RALGAPA1: variants seen among roughly 807,000 people sequenced by gnomAD.
The protein encoded by RALGAPA1 is ral GTPase-activating protein subunit alpha-1.
A neutral mutation model predicts 269.6 loss-of-function variants in RALGAPA1; 52 were observed. The observed-to-expected ratio is 0.19, with a 90% CI of 0.15 to 0.24. The LOEUF (loss-of-function observed/expected upper bound fraction) is 0.24, where lower values mean the gene tolerates loss of function less well. RALGAPA1 is among the 10% of genes least tolerant of loss of function. The pLI, the probability that RALGAPA1 is intolerant of heterozygous loss-of-function variation, is 1.00. For synonymous variants in RALGAPA1, 817 were observed against 1,008.3 expected, an observed-to-expected ratio of 0.81 and a Z score of 3.60; for missense variants, 1,917 against 3,013.9, an observed-to-expected ratio of 0.64 and a Z score of 8.52.
intron 17 of RALGAPA1, among the ~76,000 whole-genome samples, chr14:35,699,361 G>T (rs1214993408): frequency 6.6e-6 from 1 of 152,124 alleles, no homozygotes; most frequent in Non-Finnish European, 1.5e-5. Context: ...AACTTTTTGA[G>T]GTAGTGGAAG....
intron 17 of RALGAPA1, among the ~76,000 whole-genome samples, chr14:35,692,891 C>T (rs1434847914): frequency 6.6e-6 from 1 of 151,904 alleles, no homozygotes; most frequent in East Asian, 1.9e-4. Context: ...AATAACTAAA[C>T]TATATATAGT....
chr14:35,746,552 C>A (rs2072119051), intron 10 of RALGAPA1, among the ~76,000 whole-genome samples: 1 of 151,992 alleles, frequency 6.6e-6, no homozygotes, highest in Non-Finnish European at 1.5e-5. Context: ...GTCGGGTATA[C>A]CTCAATAAAG....
chr14:35,701,388 A>T (rs1480041516), intron 16 of RALGAPA1, among the ~76,000 whole-genome samples: 6 of 152,186 alleles, frequency 3.9e-5, no homozygotes, highest in Admixed American at 3.9e-4. Flanking sequence ...TGGTTCCCTG[A>T]AGTCTAAATT....
In RALGAPA1 at chr14:35,689,330, ACTGT is replaced by A. The variant is rs2066273227; in HGVS notation, c.3077_3080del (p.Asp1026ValfsTer14). The A allele has an allele frequency of 2.4e-6, 3 of 1,232,174 alleles. No individual in the cohort carries two copies. The highest frequency in any genetic ancestry group is 3.2e-5 in the East Asian group (1 of 31,692). The allele number at this position is 1,232,174 out of a possible 1,614,324, so 76.3% of individuals were successfully genotyped here. ...TTTCAGAAGTTTGTGTTCTAAAAAA[ACTGT>A]CTGACTGGTTAGGTGCGATATTACT... On this transcript the variant is annotated frameshift_variant, in exon 18 of 42. Coordinates refer to ENST00000680220, the MANE Select transcript of RALGAPA1 (RefSeq NM_001346249.2). LOFTEE classifies it high-confidence loss of function.
intron 35 of RALGAPA1, 34 bp downstream of exon 35, chr14:35,625,327 T>C (rs760298767): frequency 7.2e-7 from 1 of 1,382,144 alleles, no homozygotes; most frequent in East Asian, 2.3e-5. Flanking sequence ...TACCTGAGAG[T>C]TGCTAGTTAT....
chr14:35,713,535 CAAT>C (rs1353138679), intron 16 of RALGAPA1, among the ~76,000 whole-genome samples: 3 of 152,170 alleles, frequency 2.0e-5, no homozygotes, highest in Admixed American at 1.3e-4. Context: ...CTCCCCTTCT[CAAT>C]GATGAGGAGG....
intron 37 of RALGAPA1, among the ~76,000 whole-genome samples, chr14:35,589,340 A>T (rs754670041): frequency 2.0e-4 from 30 of 152,170 alleles, no homozygotes; most frequent in Non-Finnish European, 4.4e-4. Flanking sequence ...CTATTGTACA[A>T]CATAATGACT....
At chr14:35,593,242 A>G (rs941477878) in intron 37 of RALGAPA1, among the ~76,000 whole-genome samples, 1 of 152,160 alleles carries the variant, frequency 6.6e-6, no homozygotes, top group Non-Finnish European at 1.5e-5. Flanking sequence ...AAACAATCCT[A>G]TTTATGATAC....
chr14:35,780,214 C>A (rs528290773), intron 1 of RALGAPA1, among the ~76,000 whole-genome samples: 94 of 152,132 alleles, frequency 6.2e-4, no homozygotes, highest in Admixed American at 1.4e-3. Flanking sequence ...AACAACAGAA[C>A]TCCCAACCCC....
intron 37 of RALGAPA1, among the ~76,000 whole-genome samples, chr14:35,579,167 G>T (rs749719699): frequency 1.8e-3 from 267 of 152,254 alleles, no homozygotes; most frequent in Non-Finnish European, 3.2e-3. Flanking sequence ...TGAGAGAGTA[G>T]TAAGTGTACA....
At chr14:35,645,674 G>A (rs989746174) in intron 31 of RALGAPA1, among the ~76,000 whole-genome samples, 3 of 150,072 alleles carry the variant, frequency 2.0e-5, no homozygotes, top group Non-Finnish European at 3.0e-5. Flanking sequence ...AGCTTGCAGT[G>A]AGCCGAGATC....
chr14:35,568,910 G>C (rs2056936485), intron 39 of RALGAPA1, among the ~76,000 whole-genome samples: 1 of 152,108 alleles, frequency 6.6e-6, no homozygotes, highest in South Asian at 2.1e-4. Context: ...TCTACTTAGT[G>C]GATGTCTCCA....
intron 17 of RALGAPA1, among the ~76,000 whole-genome samples, chr14:35,696,130 G>A (rs940515300): frequency 3.9e-5 from 6 of 152,174 alleles, no homozygotes; most frequent in Non-Finnish European, 7.3e-5. Flanking sequence ...GGTGGCTCAC[G>A]CCTGTAATCC....
intron 17 of RALGAPA1, among the ~76,000 whole-genome samples, chr14:35,691,251 T>G (rs1205251031): frequency 6.6e-6 from 1 of 152,112 alleles, no homozygotes; most frequent in African/African-American, 2.4e-5. Flanking sequence ...TTATTTTCAC[T>G]GCCTTCAGTG....
intron 16 of RALGAPA1, among the ~76,000 whole-genome samples, chr14:35,716,443 A>G (rs569909832): frequency 9.9e-5 from 15 of 151,148 alleles, no homozygotes; most frequent in South Asian, 8.4e-4. Context: ...GTAAACAGGT[A>G]TACCTCCCCT....
chr14:35,688,443 C>T lies in RALGAPA1; in HGVS notation c.3952+16G>A, dbSNP rs1246901181. The T allele has an allele frequency of 1.3e-6, 2 of 1,535,986 alleles. No individual in the cohort carries two copies. The highest frequency in any genetic ancestry group is 1.4e-5 in the African/African-American group (1 of 73,052). On this transcript the variant is annotated intron_variant, in intron 18 of 41. Coordinates refer to ENST00000680220, the MANE Select transcript of RALGAPA1 (RefSeq NM_001346249.2). ...TGTCTTTCTCCTTTTGCGCTCTGCA[C>T]ACTGTTAGTGCTCACCTGCAGCTTT...
intron 6 of RALGAPA1, among the ~76,000 whole-genome samples, chr14:35,757,564 C>T (rs2073302447): frequency 6.6e-6 from 1 of 152,182 alleles, no homozygotes; most frequent in Non-Finnish European, 1.5e-5. Flanking sequence ...CACATGAAAA[C>T]TGCCCATTAC....
intron 4 of RALGAPA1, among the ~76,000 whole-genome samples, chr14:35,763,169 TAA>T (rs1328206199): frequency 6.6e-6 from 1 of 151,702 alleles, no homozygotes. Context: ...ACTAATTTTC[TAA>T]GTTTTGAAAA....
intron 35 of RALGAPA1, 85 bp downstream of exon 35, chr14:35,625,276 C>A: frequency 2.4e-6 from 2 of 819,692 alleles, no homozygotes; most frequent in East Asian, 3.3e-5. Context: ...GTATTATATA[C>A]TATTTAAAAT....
Sources: gnomAD v4.1 joint callset for allele counts (sites outside exome capture counted in the v4.1 genomes callset) on GRCh38, gnomAD v4.1.1 for gene constraint, MANE v1.5 for transcripts, NCBI Gene and HGNC (gene_info 2026-07-23, HGNC 2026-07-21) for gene names.